TRIM33: variants seen among roughly 807,000 people sequenced by gnomAD.
TRIM33 encodes the protein E3 ubiquitin-protein ligase TRIM33.
Under a neutral mutation model 125.4 loss-of-function variants are expected in TRIM33, and 20 were observed. The ratio of observed to expected loss-of-function variants is 0.16; its 90% CI spans 0.11 to 0.23. The LOEUF (loss-of-function observed/expected upper bound fraction) is 0.23. TRIM33 is among the 10% of genes least tolerant of loss of function. TRIM33 has a pLI of 1.00. For synonymous variants in TRIM33, 564 were observed against 513.9 expected, an observed-to-expected ratio of 1.10 and a Z score of -1.32; for missense variants, 920 against 1,411.4, an observed-to-expected ratio of 0.65 and a Z score of 5.58.
intron 1 of TRIM33, 81 bp downstream of exon 1, chr1:114,510,470 C>A: frequency 2.2e-6 from 3 of 1,335,194 alleles, no homozygotes; most frequent in South Asian, 1.6e-5. Context: ...CAGCCCCAGG[C>A]CCCAGCACCT....
chr1:114,451,632 T>A (rs1189288998), intron 4 of TRIM33, among the ~76,000 whole-genome samples: 7 of 151,936 alleles, frequency 4.6e-5, no homozygotes, highest in South Asian at 2.1e-4. Context: ...AAAAAAAAAA[T>A]TTAAATAAAG....
rs1651523612 is a variant in TRIM33 at position 114,395,983 on chromosome 1, A to G, written c.*1665T>C. ...ATTAAAAAATATTGACCTCTTAGAC[A>G]ATTACGTGAAATAATTTTCTGAGTA... On this transcript the variant is annotated 3_prime_UTR_variant, in exon 20 of 20. Transcript: ENST00000358465. 1 of 194,740 alleles carries G rather than the reference A, an allele frequency of 5.1e-6. No homozygotes were observed. The highest frequency in any genetic ancestry group is 8.0e-5 in the East Asian group (1 of 12,474). 12.1% of individuals were successfully genotyped at this position (194,740 alleles called of 1,614,324 possible). A position where few individuals can be genotyped will look rare whatever the true frequency, so the allele number is the denominator to read the frequency against.
rs188388102 is a variant in TRIM33 at position 114,488,191 on chromosome 1, T to C, written c.526+22360A>G. Among the ~76,000 whole-genome samples the C allele has an allele frequency of 3.9e-5, 6 of 152,130 alleles. No homozygotes were observed. In the East Asian group the frequency reaches 1.2e-3, roughly 29 times the overall value. On this transcript the variant is annotated intron_variant, in intron 1 of 19. Coordinates refer to ENST00000358465, the MANE Select transcript of TRIM33 (RefSeq NM_015906.4). Reference sequence around the variant, plus strand: ...GCTATTCAAAGCACTCCAAAAACTATAAACTACACAAAACCACCATAAATA... The same window carrying C: ...GCTATTCAAAGCACTCCAAAAACTACAAACTACACAAAACCACCATAAATA...
At chr1:114,406,038 G>C (rs976282932) in intron 14 of TRIM33, among the ~76,000 whole-genome samples, 5 of 152,180 alleles carry the variant, frequency 3.3e-5, no homozygotes, top group African/African-American at 1.2e-4. Flanking sequence ...TGAGCATAGG[G>C]TTATACTTTT....
At chr1:114,496,152 C>A (rs1311456543) in intron 1 of TRIM33, among the ~76,000 whole-genome samples, 1 of 152,206 alleles carries the variant, frequency 6.6e-6, no homozygotes, top group Non-Finnish European at 1.5e-5. Flanking sequence ...CATATCTGCC[C>A]TACGGCAGAC....
intron 4 of TRIM33, among the ~76,000 whole-genome samples, chr1:114,448,454 T>G (rs1177388393): frequency 3.3e-5 from 5 of 152,164 alleles, no homozygotes; most frequent in Non-Finnish European, 7.4e-5. Context: ...ACGGTCTACT[T>G]GAGGGAAGTG....
chr1:114,462,725 T>C (rs1399673922), intron 4 of TRIM33, among the ~76,000 whole-genome samples: 1 of 152,326 alleles, frequency 6.6e-6, no homozygotes, highest in East Asian at 1.9e-4. Context: ...ATATGTAACA[T>C]GAAATCAGTG....
At chr1:114,429,053 G>A (rs1007956446) in intron 6 of TRIM33, among the ~76,000 whole-genome samples, 1 of 152,144 alleles carries the variant, frequency 6.6e-6, no homozygotes, top group African/African-American at 2.4e-5. Context: ...GTAAGTTTAA[G>A]TGTATCAAAA....
chr1:114,395,618 G>GA lies in TRIM33; in HGVS notation c.*2029dup, dbSNP rs1272623983. ...TACAAACTGAAATCATGGATTTTGTGAAAAAAGAGGGAAATTGGCATAGGC... is the reference window on the plus strand; with the variant it reads ...TACAAACTGAAATCATGGATTTTGTGAAAAAAAGAGGGAAATTGGCATAGGC... On this transcript the variant is annotated 3_prime_UTR_variant, in exon 20 of 20. Transcript: ENST00000358465. 1 of 198,578 alleles carries GA rather than the reference G, an allele frequency of 5.0e-6. No individual in the cohort carries two copies. Among genetic ancestry groups the GA allele is most frequent in the Non-Finnish European group, 1.0e-5 (1 of 96,136 alleles). The allele number at this position is 198,578 out of a possible 1,614,324, so 12.3% of individuals were successfully genotyped here. A position where few individuals can be genotyped will look rare whatever the true frequency, so the allele number is the denominator to read the frequency against.
At position 114,393,111 on chromosome 1, in the gene TRIM33, T is replaced by C. The variant is rs1315514856; in HGVS notation, c.*4537A>G. 1 of 206,676 alleles carries C rather than the reference T, an allele frequency of 4.8e-6. No individual in the cohort carries two copies. The highest frequency in any genetic ancestry group is 7.3e-5 in the East Asian group (1 of 13,726). The allele number at this position is 206,676 out of a possible 1,614,324, so 12.8% of individuals were successfully genotyped here. A position where few individuals can be genotyped will look rare whatever the true frequency, so the allele number is the denominator to read the frequency against. The stretch of plus-strand genomic sequence containing the variant: ...GGCAGTTAACTATGTGCAAAAATAA[T>C]AGTACTAGTAGTAATAATAATAATG... On this transcript the variant is annotated 3_prime_UTR_variant, in exon 20 of 20. Transcript: ENST00000358465.
At chr1:114,425,942 ACT>A (rs1447534186) in intron 8 of TRIM33, among the ~76,000 whole-genome samples, 2 of 152,094 alleles carry the variant, frequency 1.3e-5, no homozygotes, top group Non-Finnish European at 1.5e-5. Flanking sequence ...AGAAAAATAT[ACT>A]CTCTGTCCTT....
intron 1 of TRIM33, among the ~76,000 whole-genome samples, chr1:114,492,843 G>T (rs2101541287): frequency 6.6e-6 from 1 of 152,062 alleles, no homozygotes; most frequent in Non-Finnish European, 1.5e-5. Context: ...CCACCTTTTG[G>T]CTACTGTGAA....
chr1:114,501,117 G>A (rs1358166308), intron 1 of TRIM33, among the ~76,000 whole-genome samples: 1 of 68,006 alleles, frequency 1.5e-5, no homozygotes, highest in Admixed American at 1.2e-4. Context: ...GTGAACCCGG[G>A]AGGCGGAGCT....
chr1:114,406,392 A>G (rs903853559), intron 14 of TRIM33, among the ~76,000 whole-genome samples: 5 of 152,228 alleles, frequency 3.3e-5, no homozygotes, highest in Non-Finnish European at 7.3e-5. Flanking sequence ...GGTCAGAAAG[A>G]GAAAACAAAA....
At chr1:114,429,550 T>A (rs987833180) in intron 6 of TRIM33, among the ~76,000 whole-genome samples, 1 of 151,570 alleles carries the variant, frequency 6.6e-6, no homozygotes, top group South Asian at 2.1e-4. Flanking sequence ...CATTCAGAGA[T>A]AACATTCTAC....
At position 114,510,970 on chromosome 1, in the gene TRIM33, G is replaced by T; in HGVS notation, c.107C>A (p.Pro36Gln). Residue 36 changes from proline (P) to glutamine (Q), a missense_variant, in exon 1 of 20, where the codon CCG becomes CAG. By Grantham distance (76) the Pro-to-Gln change is moderately conservative. Coordinates refer to ENST00000358465, the MANE Select transcript of TRIM33 (RefSeq NM_015906.4). ...AAGPAAQEAE[P>Q]PLTAVLVEEE... ...CTCCACCAGCACCGCGGTGAGAGGC[G>T]GCTCCGCCTCCTGCGCGGCGGGCCC... 7.3e-7 allele frequency: 1 copy of T among 1,367,562 alleles called. No individual in the cohort carries two copies. Among genetic ancestry groups the T allele is most frequent in the South Asian group, 1.7e-5 (1 of 58,672 alleles). The allele number at this position is 1,367,562 out of a possible 1,614,324, so 84.7% of individuals were successfully genotyped here.
intron 4 of TRIM33, chr1:114,460,071 C>A: frequency 6.1e-6 from 1 of 164,064 alleles, no homozygotes; most frequent in South Asian, 1.5e-4. Context: ...ACGTTCATTC[C>A]ATGCCCATGC....
At chr1:114,406,825 T>C in intron 14 of TRIM33, 116 bp downstream of exon 14, 8 of 1,040,802 alleles carry the variant, frequency 7.7e-6, no homozygotes, top group Non-Finnish European at 1.1e-5. Flanking sequence ...GTGCCAGGCA[T>C]GAAATTTCAA....
Position 114,406,987 on chromosome 1 carries a change from C to A in TRIM33, c.2372G>T (p.Gly791Val). The A allele has an allele frequency of 6.2e-7, 1 of 1,614,014 alleles. No homozygotes were observed. Among genetic ancestry groups the A allele is most frequent in the Non-Finnish European group, 8.5e-7 (1 of 1,179,924 alleles). The change falls in exon 14 of 20, where the codon GGT (glycine) becomes GTT (valine). Residue 791 changes from glycine to valine, a missense_variant. Gly to Val is a moderately radical substitution (Grantham distance 109). This residue lies in a region of TRIM33 where 407 missense variants were observed against 589.7 expected (regional missense o/e 0.69). Transcript: ENST00000358465. ...TEDEICSFSG[G>V]VKQEKTEDGR... ...ATCCTCTGTTTTTTCTTGTTTTACA[C>A]CTCCTGAAAAGCTACATATTTCATC...
Sources: allele counts gnomAD v4.1 joint callset (sites outside exome capture counted in the v4.1 genomes callset), GRCh38; gene constraint gnomAD v4.1.1; regional missense constraint gnomAD v4.1.1; transcripts MANE v1.5; gene names NCBI Gene and HGNC (gene_info 2026-07-23, HGNC 2026-07-21).